Variants in MED13L observed in about 807,000 individuals in gnomAD.
MED13L encodes the protein mediator complex subunit 13L, also known as mediator of RNA polymerase II transcription subunit 13-like.
A neutral mutation model predicts 220.9 loss-of-function variants in MED13L; 7 were observed. The observed-to-expected ratio is 0.03, with a 90% CI of 0.02 to 0.06. The LOEUF (loss-of-function observed/expected upper bound fraction) is 0.06, where lower values mean the gene tolerates loss of function less well. MED13L is among the 10% of genes least tolerant of loss of function. MED13L has a pLI of 1.00. For missense variants in MED13L, 1,965 were observed against 2,760.5 expected (o/e 0.71, Z 6.46); for synonymous variants, 1,011 against 1,015.2 (o/e 1.00, Z 0.08).
At chr12:116,105,114 GA>G (rs1189435248) in intron 3 of MED13L, among the ~76,000 whole-genome samples, 1 of 152,118 alleles carries the variant, frequency 6.6e-6, no homozygotes, top group Non-Finnish European at 1.5e-5. Context: ...GCCAAATGAA[GA>G]AACTCTTGAA....
chr12:115,979,016 G>A (rs977042073), intron 23 of MED13L, among the ~76,000 whole-genome samples: 4 of 152,132 alleles, frequency 2.6e-5, no homozygotes, highest in African/African-American at 9.7e-5. Context: ...TACAGCACCT[G>A]GCACACCGTA....
chr12:116,153,582 C>CAAGTTAAAT (rs375412575), intron 2 of MED13L, among the ~76,000 whole-genome samples: 30 of 152,244 alleles, frequency 2.0e-4, no homozygotes, highest in African/African-American at 7.2e-4. Context: ...AGGCCAAAAG[C>CAAGTTAAAT]AAGTTAAATT....
intron 2 of MED13L, among the ~76,000 whole-genome samples, chr12:116,185,655 TTTCTTTTCTTTTC>T (rs1880836905): frequency 8.9e-4 from 1 of 1,118 alleles, no homozygotes; most frequent in Non-Finnish European, 1.9e-3. Context: ...ATCACATGCT[TTTCTTTTCTTTTC>T]TTTTCTTTTC....
intron 4 of MED13L, among the ~76,000 whole-genome samples, chr12:116,087,372 GA>G (rs888963883): frequency 1.3e-5 from 2 of 151,632 alleles, no homozygotes; most frequent in African/African-American, 2.4e-5. Context: ...AAAAATGTTA[GA>G]AAAAAAAGTG....
intron 2 of MED13L, among the ~76,000 whole-genome samples, chr12:116,111,836 C>T (rs1271197907): frequency 6.6e-6 from 1 of 152,006 alleles, no homozygotes; most frequent in Non-Finnish European, 1.5e-5. Context: ...TTAAGAGTAT[C>T]GCAAAGACTA....
intron 26 of MED13L, 133 bp downstream of exon 26, chr12:115,971,945 C>T: frequency 9.1e-7 from 1 of 1,099,174 alleles, no homozygotes; most frequent in Non-Finnish European, 1.3e-6. Context: ...TGTTTTCCAT[C>T]TTTAAGCCCC....
intron 2 of MED13L, among the ~76,000 whole-genome samples, chr12:116,143,942 T>C (rs1267376567): frequency 6.6e-6 from 1 of 152,182 alleles, no homozygotes; most frequent in African/African-American, 2.4e-5. Context: ...CACACACTGG[T>C]TCACCTCCTT....
chr12:116,031,759 A>AGAAAAGAAAAGAAAAGAAAAGAAAGAAG lies in MED13L; in HGVS notation c.480-9159_480-9158insCTTCTTTCTTTTCTTTTCTTTTCTTTTC, dbSNP rs1592967502. 3.2e-4 allele frequency among the ~76,000 whole-genome samples: 13 copies of AGAAAAGAAAAGAAAAGAAAAGAAAGAAG among 40,986 alleles called. 2 individuals are homozygous for AGAAAAGAAAAGAAAAGAAAAGAAAGAAG. The highest frequency in any genetic ancestry group is 1.3e-3 in the African/African-American group (12 of 9,118). 26.9% of individuals were successfully genotyped at this position (40,986 alleles called of 152,430 possible). The stretch of plus-strand genomic sequence containing the variant: ...AGAAAAGAAAAGAAAAGAAAAGAAA[A>AGAAAAGAAAAGAAAAGAAAAGAAAGAAG]GAAGGAAGGAAGGAAGGAAGGAAGG... On this transcript the variant is annotated intron_variant, in intron 4 of 30. Transcript: ENST00000281928.
chr12:116,264,788 C>T lies in MED13L; in HGVS notation c.72+12272G>A, dbSNP rs61937386. 9.9e-3 allele frequency among the ~76,000 whole-genome samples: 1,507 copies of T among 152,254 alleles called. 13 individuals carry two copies. The highest frequency in any genetic ancestry group is 0.014 in the Non-Finnish European group (959 of 68,026). On this transcript the variant is annotated intron_variant, in intron 1 of 30. Coordinates refer to ENST00000281928, the MANE Select transcript of MED13L (RefSeq NM_015335.5). ...TCTACCTTTCAGGCTCTTACCCTCC[C>T]CTACTCCCCCATTCCTGCTTGCTTC... is the stretch of plus-strand genomic sequence containing the variant.
At chr12:116,020,647 G>A (rs1015720318) in intron 5 of MED13L, among the ~76,000 whole-genome samples, 1 of 152,148 alleles carries the variant, frequency 6.6e-6, no homozygotes, top group African/African-American at 2.4e-5. Flanking sequence ...TTAACTCAAA[G>A]TAAAGGACCC....
At chr12:116,126,946 G>A (rs1038392397) in intron 2 of MED13L, among the ~76,000 whole-genome samples, 2 of 152,076 alleles carry the variant, frequency 1.3e-5, no homozygotes, top group Non-Finnish European at 2.9e-5. Flanking sequence ...TTGATAGGCA[G>A]GCCTTAGAAT....
At chr12:116,214,762 T>C (rs766522969) in intron 2 of MED13L, among the ~76,000 whole-genome samples, 2 of 152,162 alleles carry the variant, frequency 1.3e-5, no homozygotes, top group African/African-American at 2.4e-5. Flanking sequence ...AAAAACCTTC[T>C]ACCTAAACTC....
At chr12:116,022,656 A>G in intron 4 of MED13L, 55 bp from the exon 5 acceptor site, 1 of 1,559,512 alleles carries the variant, frequency 6.4e-7, no homozygotes, top group East Asian at 2.3e-5. Flanking sequence ...AAAGGGTGCT[A>G]GAAACAGGAA....
rs1871329374 is a variant in MED13L at position 116,249,440 on chromosome 12, A to G, written c.73-11735T>C. Among the ~76,000 whole-genome samples, 3 of 152,280 alleles carry G rather than the reference A, an allele frequency of 2.0e-5. No individual in the cohort carries two copies. The South Asian group carries it at 6.2e-4, about 32-fold the overall frequency. On this transcript the variant is annotated intron_variant, in intron 1 of 30. Coordinates refer to ENST00000281928, the MANE Select transcript of MED13L (RefSeq NM_015335.5). ...ATCCAGACTTTCAACAACACTCACAATGTCCAGCAACCAATAAAAAATACC... is the reference window on the plus strand; with the variant it reads ...ATCCAGACTTTCAACAACACTCACAGTGTCCAGCAACCAATAAAAAATACC...
chr12:116,272,516 T>G (rs549951972), intron 1 of MED13L, among the ~76,000 whole-genome samples: 1 of 151,748 alleles, frequency 6.6e-6, no homozygotes, highest in Non-Finnish European at 1.5e-5. Context: ...GAGCCAAGAC[T>G]TCACCAGCCT....
chr12:116,200,846 C>A (rs1881967678), intron 2 of MED13L, among the ~76,000 whole-genome samples: 1 of 152,076 alleles, frequency 6.6e-6, no homozygotes, highest in Non-Finnish European at 1.5e-5. Flanking sequence ...TAGAGAATAT[C>A]ATAATAATTC....
chr12:116,032,276 AAC>A (rs1393904010), intron 4 of MED13L, among the ~76,000 whole-genome samples: 1 of 152,256 alleles, frequency 6.6e-6, no homozygotes. Context: ...ATTCATATAG[AAC>A]ACAGAGTCAA....
At chr12:115,985,156 C>A (rs1249606279) in intron 19 of MED13L, among the ~76,000 whole-genome samples, 1 of 152,024 alleles carries the variant, frequency 6.6e-6, no homozygotes, top group African/African-American at 2.4e-5. Flanking sequence ...CTGTCTGTAC[C>A]CTCTTAAAAA....
intron 1 of MED13L, among the ~76,000 whole-genome samples, chr12:116,259,435 A>G (rs1872329888): frequency 6.6e-6 from 1 of 152,222 alleles, no homozygotes; most frequent in Non-Finnish European, 1.5e-5. Context: ...TAAAAGTCCA[A>G]AAACATGTAA....
Sources: gnomAD v4.1 joint callset for allele counts (sites outside exome capture counted in the v4.1 genomes callset) on GRCh38, gnomAD v4.1.1 for gene constraint, MANE v1.5 for transcripts, NCBI Gene and HGNC (gene_info 2026-07-23, HGNC 2026-07-21) for gene names.